The following HDAC9 variants were observed in gnomAD, a reference collection of about 807,000 sequenced individuals.
HDAC9 encodes the protein MEF-2 interacting transcription repressor (MITR) protein.
A neutral mutation model predicts 139.4 loss-of-function variants in HDAC9; 41 were observed. That is an observed-to-expected ratio of 0.29 (90% CI 0.23 to 0.38). The LOEUF is 0.38. HDAC9 is among the 10% of genes least tolerant of loss of function. HDAC9 has a pLI of 1.00. For synonymous variants in HDAC9, 517 were observed against 476.2 expected (o/e 1.09, Z -1.12); for missense variants, 1,147 against 1,297.0 (o/e 0.88, Z 1.78).
intron 2 of HDAC9, among the ~76,000 whole-genome samples, chr7:18,547,905 C>G (rs1279333875): frequency 7.1e-6 from 1 of 140,958 alleles, no homozygotes; most frequent in Admixed American, 7.1e-5. Flanking sequence ...CCCTCTCTCC[C>G]TTTCTCCCTC....
intron 2 of HDAC9, among the ~76,000 whole-genome samples, chr7:18,547,618 G>A (rs1815426116): frequency 2.0e-5 from 3 of 152,168 alleles, no homozygotes; most frequent in Admixed American, 1.3e-4. Flanking sequence ...TTTATCTACA[G>A]CAAGTAATGC....
chr7:18,100,926 T>C (rs1782813707), intron 1 of HDAC9, among the ~76,000 whole-genome samples: 1 of 152,132 alleles, frequency 6.6e-6, no homozygotes, highest in African/African-American at 2.4e-5. Flanking sequence ...CAGGTCTTGT[T>C]TTTAAGATTA....
At chr7:18,787,445 T>G (rs1341145426) in intron 16 of HDAC9, among the ~76,000 whole-genome samples, 1 of 152,206 alleles carries the variant, frequency 6.6e-6, no homozygotes, top group African/African-American at 2.4e-5. Flanking sequence ...AGATTTTAAT[T>G]CTGGCAATAA....
intron 2 of HDAC9, among the ~76,000 whole-genome samples, chr7:18,517,303 A>G (rs570148091): frequency 1.6e-4 from 25 of 152,330 alleles, no homozygotes; most frequent in African/African-American, 5.8e-4. Context: ...TAAAAGTTCA[A>G]ATAATACATT....
intron 1 of HDAC9, among the ~76,000 whole-genome samples, chr7:18,366,820 C>T (rs1252746461): frequency 2.0e-5 from 3 of 152,026 alleles, no homozygotes; most frequent in African/African-American, 7.2e-5. Flanking sequence ...ATTGACTCTC[C>T]TATTTTTATG....
intron 2 of HDAC9, among the ~76,000 whole-genome samples, chr7:18,557,716 TAAC>T (rs1252367523): frequency 1.3e-5 from 2 of 148,770 alleles, no homozygotes; most frequent in Non-Finnish European, 3.0e-5. Flanking sequence ...TGTAAAATAT[TAAC>T]AATTATAATG....
intron 2 of HDAC9, among the ~76,000 whole-genome samples, chr7:18,239,952 T>TG (rs1794078370): frequency 7.4e-6 from 1 of 134,936 alleles, no homozygotes; most frequent in East Asian, 2.2e-4. Context: ...AGGTGCTGCA[T>TG]GTTTTTTTTT....
intron 2 of HDAC9, among the ~76,000 whole-genome samples, chr7:18,554,557 T>G (rs981073694): frequency 2.0e-5 from 3 of 152,004 alleles, no homozygotes; most frequent in African/African-American, 4.8e-5. Flanking sequence ...GGATGGTCTC[T>G]ATCTCCTAAC....
At position 18,528,394 on chromosome 7, in the gene HDAC9, T is replaced by C. The variant is rs188845975; in HGVS notation, c.22+32070T>C. 3.3e-5 allele frequency among the ~76,000 whole-genome samples: 5 copies of C among 151,692 alleles called. No individual in the cohort carries two copies. The East Asian group carries it at 9.7e-4, about 29-fold the overall frequency. ...TTATATAAGTGAAAACAGAAAAAAA[T>C]TAGGTAAAATGATATATTTATAAGC... On this transcript the variant is annotated intron_variant, in intron 2 of 25. Transcript: ENST00000686413.
At chr7:18,601,576 A>G (rs111440045) in intron 6 of HDAC9, among the ~76,000 whole-genome samples, 47 of 152,088 alleles carry the variant, frequency 3.1e-4, no homozygotes, top group Admixed American at 5.9e-4. Flanking sequence ...AGGGGAAAGC[A>G]TTTTGTTTCT....
At chr7:18,898,638 T>C (rs1801427067) in intron 22 of HDAC9, among the ~76,000 whole-genome samples, 1 of 151,914 alleles carries the variant, frequency 6.6e-6, no homozygotes, top group South Asian at 2.1e-4. Flanking sequence ...GTGTTTACTG[T>C]ATATATATCT....
At chr7:18,784,846 T>C (rs946178788) in intron 16 of HDAC9, among the ~76,000 whole-genome samples, 1 of 152,032 alleles carries the variant, frequency 6.6e-6, no homozygotes, top group Non-Finnish European at 1.5e-5. Context: ...CAGCAGACTT[T>C]CCATGTACTC....
intron 2 of HDAC9, among the ~76,000 whole-genome samples, chr7:18,241,183 T>A (rs1326588491): frequency 1.3e-5 from 2 of 152,216 alleles, no homozygotes; most frequent in African/African-American, 4.8e-5. Context: ...CTGCTGTTTA[T>A]CAACTATGTG....
At chr7:18,190,943 A>G (rs1357541925) in intron 2 of HDAC9, among the ~76,000 whole-genome samples, 1 of 152,224 alleles carries the variant, frequency 6.6e-6, no homozygotes, top group Non-Finnish European at 1.5e-5. Context: ...TCAAAAGTCT[A>G]CTTCCCTATC....
intron 2 of HDAC9, among the ~76,000 whole-genome samples, chr7:18,263,270 G>A (rs748705442): frequency 2.0e-4 from 30 of 152,082 alleles, no homozygotes; most frequent in Middle Eastern, 3.4e-3. Flanking sequence ...TAATAAAACC[G>A]CATTTTTATG....
At chr7:18,950,015 G>T (rs1320653685) in intron 23 of HDAC9, among the ~76,000 whole-genome samples, 1 of 151,976 alleles carries the variant, frequency 6.6e-6, no homozygotes, top group African/African-American at 2.4e-5. Context: ...AATATTTTTA[G>T]AGAAGTTAAC....
chr7:18,816,504 C>T (rs1302465012), intron 17 of HDAC9, among the ~76,000 whole-genome samples: 1 of 152,178 alleles, frequency 6.6e-6, no homozygotes, highest in Admixed American at 6.5e-5. Flanking sequence ...AGTTATTTAA[C>T]AGGATATTAA....
chr7:18,120,936 C>T (rs1265837709), intron 1 of HDAC9, among the ~76,000 whole-genome samples: 1 of 152,032 alleles, frequency 6.6e-6, no homozygotes, highest in Non-Finnish European at 1.5e-5. Flanking sequence ...TCCACACTGG[C>T]AGTAAGGTAG....
chr7:18,916,289 G>A (rs1233002275), intron 22 of HDAC9, among the ~76,000 whole-genome samples: 3 of 152,024 alleles, frequency 2.0e-5, no homozygotes, highest in Non-Finnish European at 4.4e-5. Flanking sequence ...TGATGTGGTG[G>A]TAGAGATGAA....
Sources: gnomAD v4.1 joint callset for allele counts (sites outside exome capture counted in the v4.1 genomes callset) on GRCh38, gnomAD v4.1.1 for gene constraint, MANE v1.5 for transcripts, NCBI Gene and HGNC (gene_info 2026-07-23, HGNC 2026-07-21) for gene names.